Variants in GBE1 observed in about 807,000 individuals in gnomAD.
The protein encoded by GBE1 is 1,4-alpha-glucan-branching enzyme.
Under a neutral mutation model 88.8 loss-of-function variants are expected in GBE1, and 70 were observed. That is an observed-to-expected ratio of 0.79 (90% CI 0.65 to 0.96). GBE1 has a LOEUF of 0.96. GBE1 is among the 40% of genes least tolerant of loss of function. The probability of loss-of-function intolerance (pLI) is 0.00; values close to 1 mark genes in which losing one functional copy is unlikely to be tolerated. For synonymous variants in GBE1, 284 were observed against 300.1 expected (o/e 0.95, Z 0.56); for missense variants, 872 against 871.0 (o/e 1.00, Z -0.01).
At chr3:81,686,836 T>A (rs1315284816) in intron 2 of GBE1, among the ~76,000 whole-genome samples, 2 of 152,190 alleles carry the variant, frequency 1.3e-5, no homozygotes, top group Non-Finnish European at 2.9e-5. Flanking sequence ...ATTAATGCCT[T>A]AGTATAAAAT....
chr3:81,733,433 T>C lies in GBE1; in HGVS notation c.144-27820A>G, dbSNP rs1024300588. Among the ~76,000 whole-genome samples the C allele has an allele frequency of 3.3e-5, 5 of 152,098 alleles. No individual in the cohort carries two copies. Among genetic ancestry groups the C allele is most frequent in the Admixed American group, 2.6e-4 (4 of 15,244 alleles). ...AAAAAAATGTAATGCACTTGAATCATCCCAAAACAATCCCCTGCCCCCCAT... is the reference window on the plus strand; with the variant it reads ...AAAAAAATGTAATGCACTTGAATCACCCCAAAACAATCCCCTGCCCCCCAT... On this transcript the variant is annotated intron_variant, in intron 1 of 15. Coordinates refer to ENST00000429644, the MANE Select transcript of GBE1 (RefSeq NM_000158.4). This position sits in a 1 kb window ranked among gnomAD's most constrained non-coding sequence, Gnocchi z 4.0.
At position 81,577,113 on chromosome 3, in the gene GBE1, T is replaced by TC. The variant is rs1475097075; in HGVS notation, c.1618+811dup. On this transcript the variant is annotated intron_variant, in intron 12 of 15. Coordinates refer to ENST00000429644, the MANE Select transcript of GBE1 (RefSeq NM_000158.4). ...ACCACCACACCCAGCATTTTTTTTT[T>TC]CTTCTTTTGGTAGAGATGGGGCTTT... Among the ~76,000 whole-genome samples, 3 of 151,942 alleles carry TC rather than the reference T, an allele frequency of 2.0e-5. No homozygotes were observed. In the East Asian group the frequency reaches 5.8e-4, roughly 29 times the overall value.
chr3:81,555,408 G>A (rs1453235620), intron 12 of GBE1, among the ~76,000 whole-genome samples: 1 of 152,110 alleles, frequency 6.6e-6, no homozygotes, highest in Non-Finnish European at 1.5e-5. Flanking sequence ...ATCTACAGGA[G>A]ACAAAGTTCT....
At chr3:81,557,576 A>G (rs1286820369) in intron 12 of GBE1, among the ~76,000 whole-genome samples, 1 of 151,978 alleles carries the variant, frequency 6.6e-6, no homozygotes, top group African/African-American at 2.4e-5. Flanking sequence ...GGATGACTTC[A>G]GTTTTGGATT....
In GBE1 at chr3:81,704,853, C is replaced by T. The variant is rs116577072; in HGVS notation, c.313+591G>A. Among the ~76,000 whole-genome samples the T allele has an allele frequency of 2.0e-5, 3 of 152,150 alleles. No individual in the cohort carries two copies. In the East Asian group the frequency reaches 5.8e-4, roughly 29 times the overall value. On this transcript the variant is annotated intron_variant, in intron 2 of 15. Transcript: ENST00000429644. ...CTCCCACCAGACTCTAAGCTAGAAA[C>T]CTGACTTTGCTTTCCATAGCGTTAA...
rs868766244 is a variant in GBE1, at chr3:81,646,456, T to G, written c.718A>C (p.Ile240Leu). ...LGYNCIQLMA[I>L]MEHAYYASFG... ...CTGGCATAGTAAGCATGCTCCATGATTGCCATCAACTGAATGCAGTTGTAT... is the reference window on the plus strand; with the variant it reads ...CTGGCATAGTAAGCATGCTCCATGAGTGCCATCAACTGAATGCAGTTGTAT... The change falls in exon 6 of 16, where the codon ATC (isoleucine) becomes CTC (leucine). Residue 240 changes from isoleucine (I) to leucine (L), a missense_variant. Coordinates refer to ENST00000429644, the MANE Select transcript of GBE1 (RefSeq NM_000158.4). The G allele has an allele frequency of 6.2e-7, 1 of 1,603,996 alleles. No homozygotes were observed. Among genetic ancestry groups the G allele is most frequent in the African/African-American group, 1.3e-5 (1 of 74,560 alleles).
chr3:81,705,870 T>C (rs996384545), intron 1 of GBE1, among the ~76,000 whole-genome samples: 1 of 152,200 alleles, frequency 6.6e-6, no homozygotes, highest in Non-Finnish European at 1.5e-5. Flanking sequence ...ATGATGGTTA[T>C]ACTATTTCAT....
chr3:81,601,763 A>G (rs1704035860), intron 7 of GBE1, among the ~76,000 whole-genome samples: 1 of 152,214 alleles, frequency 6.6e-6, no homozygotes, highest in Admixed American at 6.5e-5. Context: ...CATAAAGATA[A>G]GCATGTTTAA....
chr3:81,650,400 T>G (rs543839551), intron 3 of GBE1: 4 of 157,386 alleles, frequency 2.5e-5, no homozygotes, highest in African/African-American at 9.6e-5. Context: ...TAACACAATG[T>G]GCACGCACAG....
At chr3:81,629,702 A>AT (rs1001242909) in intron 7 of GBE1, among the ~76,000 whole-genome samples, 38 of 151,986 alleles carry the variant, frequency 2.5e-4, no homozygotes, top group African/African-American at 8.0e-4. Flanking sequence ...GTTTAATTGT[A>AT]TTTTTTATAT....
At chr3:81,551,619 C>T (rs931792307) in intron 12 of GBE1, among the ~76,000 whole-genome samples, 1 of 152,172 alleles carries the variant, frequency 6.6e-6, no homozygotes, top group African/African-American at 2.4e-5. Context: ...TCCCACCTGT[C>T]CTTCAAGTTG....
At chr3:81,530,376 C>T (rs1419195109) in intron 14 of GBE1, among the ~76,000 whole-genome samples, 1 of 151,170 alleles carries the variant, frequency 6.6e-6, no homozygotes, top group Non-Finnish European at 1.5e-5. Flanking sequence ...CCTGGAAGGT[C>T]GTGATGTTTG....
intron 1 of GBE1, among the ~76,000 whole-genome samples, chr3:81,743,127 C>A (rs1220577061): frequency 6.6e-6 from 1 of 152,060 alleles, no homozygotes; most frequent in Non-Finnish European, 1.5e-5. Flanking sequence ...AAACACACAG[C>A]CAGCATCCCA....
At chr3:81,659,978 C>T (rs1365284528) in intron 3 of GBE1, among the ~76,000 whole-genome samples, 3 of 151,934 alleles carry the variant, frequency 2.0e-5, no homozygotes, top group Admixed American at 6.6e-5. Context: ...CTTTCTTCTA[C>T]AAAAAATCTG....
intron 1 of GBE1, among the ~76,000 whole-genome samples, chr3:81,758,127 C>T (rs1169292164): frequency 6.6e-6 from 1 of 152,288 alleles, no homozygotes; most frequent in East Asian, 1.9e-4. Flanking sequence ...ATCACAGTTG[C>T]AGCACTTACT....
chr3:81,616,300 C>G (rs1181865943), intron 7 of GBE1, among the ~76,000 whole-genome samples: 5 of 152,118 alleles, frequency 3.3e-5, no homozygotes, highest in Non-Finnish European at 5.9e-5. Context: ...AATCCTACAG[C>G]TGAAGATTTT....
intron 7 of GBE1, among the ~76,000 whole-genome samples, chr3:81,631,255 G>A (rs1704504404): frequency 6.6e-6 from 1 of 151,998 alleles, no homozygotes; most frequent in Non-Finnish European, 1.5e-5. Flanking sequence ...AAATAAGCAA[G>A]GTAGTCAATT....
chr3:81,495,439 T>C (rs920272414), intron 15 of GBE1, among the ~76,000 whole-genome samples: 2 of 152,274 alleles, frequency 1.3e-5, no homozygotes, highest in East Asian at 1.9e-4. Context: ...GATTCTTTCA[T>C]AGTCTACATA....
chr3:81,677,302 C>T (rs955902155), intron 2 of GBE1, among the ~76,000 whole-genome samples: 2 of 152,024 alleles, frequency 1.3e-5, no homozygotes, highest in African/African-American at 4.8e-5. Flanking sequence ...ATGCAATAGG[C>T]GAGGCTAATA....
Sources: allele counts gnomAD v4.1 joint callset (sites outside exome capture counted in the v4.1 genomes callset), GRCh38; gene constraint gnomAD v4.1.1; non-coding constraint Gnocchi (gnomAD v3.1); transcripts MANE v1.5; gene names NCBI Gene and HGNC (gene_info 2026-07-23, HGNC 2026-07-21).